CMTM8: variants seen among roughly 807,000 people sequenced by gnomAD.
The protein encoded by CMTM8 is CKLF like MARVEL transmembrane domain containing 8.
Under a neutral mutation model 18.6 loss-of-function variants are expected in CMTM8, and 12 were observed. The observed-to-expected ratio is 0.65, with a 90% CI of 0.41 to 1.05. The LOEUF (loss-of-function observed/expected upper bound fraction) is 1.05, where lower values mean the gene tolerates loss of function less well. Ranked by LOEUF, CMTM8 falls within the 50% of genes least tolerant of loss-of-function variation. The pLI, the probability that CMTM8 is intolerant of heterozygous loss-of-function variation, is 0.00. For missense variants in CMTM8, 217 were observed against 227.2 expected (o/e 0.95, Z 0.29); for synonymous variants, 87 against 90.6 (o/e 0.96, Z 0.23).
At chr3:32,294,407 G>T (rs549955917) in intron 1 of CMTM8, among the ~76,000 whole-genome samples, 2 of 152,216 alleles carry the variant, frequency 1.3e-5, no homozygotes, top group South Asian at 4.1e-4. Flanking sequence ...CTGCATTTTT[G>T]TCCTTCTCCA....
chr3:32,264,277 G>T (rs1366758055), intron 1 of CMTM8, among the ~76,000 whole-genome samples: 1 of 152,234 alleles, frequency 6.6e-6, no homozygotes, highest in African/African-American at 2.4e-5. Context: ...CAAGCCAGAA[G>T]AGAGTGGGGG....
chr3:32,322,084 T>G (rs1217658002), intron 1 of CMTM8, among the ~76,000 whole-genome samples: 2 of 152,196 alleles, frequency 1.3e-5, no homozygotes, highest in African/African-American at 4.8e-5. Flanking sequence ...TGGAATTCCC[T>G]TCTCATGGGA....
chr3:32,298,149 C>G (rs908821574), intron 1 of CMTM8, among the ~76,000 whole-genome samples: 2 of 151,134 alleles, frequency 1.3e-5, no homozygotes, highest in South Asian at 4.2e-4. Flanking sequence ...AATCTGGGCT[C>G]ACTGCAACCT....
intron 1 of CMTM8, among the ~76,000 whole-genome samples, chr3:32,280,043 T>C (rs1034269601): frequency 2.1e-4 from 9 of 42,236 alleles, no homozygotes; most frequent in Non-Finnish European, 4.0e-4. Context: ...TAATTAGTGA[T>C]TTTTTTAAGA....
At chr3:32,273,804 T>G (rs1461000106) in intron 1 of CMTM8, among the ~76,000 whole-genome samples, 1 of 152,180 alleles carries the variant, frequency 6.6e-6, no homozygotes, top group African/African-American at 2.4e-5. Flanking sequence ...TAAAAATTAC[T>G]GAATTCTACA....
intron 1 of CMTM8, among the ~76,000 whole-genome samples, chr3:32,316,184 A>T (rs1365126747): frequency 1.3e-5 from 2 of 151,178 alleles, no homozygotes; most frequent in Non-Finnish European, 3.0e-5. Flanking sequence ...CCCGCCACCA[A>T]GCCCGGCTAA....
chr3:32,309,300 A>AT (rs4038996), intron 1 of CMTM8, among the ~76,000 whole-genome samples: 13,350 of 96,376 alleles, frequency 0.14, 1,354 homozygotes, highest in East Asian at 0.18. Flanking sequence ...CAATTTACCA[A>AT]TTTTTTTTTT....
At chr3:32,362,650 C>T (rs754980441) in intron 2 of CMTM8, among the ~76,000 whole-genome samples, 13 of 152,194 alleles carry the variant, frequency 8.5e-5, no homozygotes, top group Non-Finnish European at 1.9e-4. Context: ...CAGGAAGTGC[C>T]AGCCCAGATG....
intron 1 of CMTM8, among the ~76,000 whole-genome samples, chr3:32,315,639 A>G (rs900498740): frequency 6.6e-6 from 1 of 152,192 alleles, no homozygotes; most frequent in African/African-American, 2.4e-5. Flanking sequence ...ATGTTGTACT[A>G]TGTGACTCCA....
At chr3:32,330,573 C>T (rs1055212820) in intron 1 of CMTM8, among the ~76,000 whole-genome samples, 1 of 151,934 alleles carries the variant, frequency 6.6e-6, no homozygotes, top group African/African-American at 2.4e-5. Flanking sequence ...GACATATAGA[C>T]CAATGGAACA....
At chr3:32,340,251 A>C (rs1169969363) in intron 1 of CMTM8, among the ~76,000 whole-genome samples, 1 of 152,136 alleles carries the variant, frequency 6.6e-6, no homozygotes, top group East Asian at 1.9e-4. Flanking sequence ...CGGTTGTATC[A>C]CCTTAGTCTT....
intron 1 of CMTM8, chr3:32,258,985 G>A (rs770172492): frequency 3.1e-5 from 10 of 326,004 alleles, no homozygotes; most frequent in African/African-American, 1.5e-4. Flanking sequence ...CTGCCAGTCC[G>A]TGGGCTCTGT....
At chr3:32,325,600 T>A (rs1696134907) in intron 1 of CMTM8, among the ~76,000 whole-genome samples, 1 of 152,248 alleles carries the variant, frequency 6.6e-6, no homozygotes, top group Non-Finnish European at 1.5e-5. Context: ...AGGCGAGGCC[T>A]GAAACTACCC....
At chr3:32,291,426 C>T (rs1702778460) in intron 1 of CMTM8, among the ~76,000 whole-genome samples, 2 of 152,190 alleles carry the variant, frequency 1.3e-5, no homozygotes, top group African/African-American at 2.4e-5. Context: ...AGGCGTGAGC[C>T]ACCGTGCCCA....
At chr3:32,339,465 G>A (rs1204655241) in intron 1 of CMTM8, among the ~76,000 whole-genome samples, 1 of 152,224 alleles carries the variant, frequency 6.6e-6, no homozygotes. Flanking sequence ...ACAGAAAGAC[G>A]ACCACATGGT....
chr3:32,253,234 G>A (rs1702136888), intron 1 of CMTM8, among the ~76,000 whole-genome samples: 1 of 151,956 alleles, frequency 6.6e-6, no homozygotes, highest in Non-Finnish European at 1.5e-5. Context: ...GTGGCTATGT[G>A]CATATGTAAA....
intron 1 of CMTM8, among the ~76,000 whole-genome samples, chr3:32,346,911 C>T (rs1696605946): frequency 6.6e-6 from 1 of 151,804 alleles, no homozygotes; most frequent in Non-Finnish European, 1.5e-5. Context: ...ACCTCAACCT[C>T]CTGGGCTCAA....
rs558263597 is a variant in CMTM8, at chr3:32,288,540, A to G, written c.147+49421A>G. The stretch of plus-strand genomic sequence containing the variant: ...TTTTGAAATGGAGTCTTGCTCTATC[A>G]CCCAGGCTGCAGTGCAGTGGCACAA... On this transcript the variant is annotated intron_variant, in intron 1 of 3. Transcript: ENST00000307526. Among the ~76,000 whole-genome samples, 66 of 150,364 alleles carry G rather than the reference A, an allele frequency of 4.4e-4. No individual in the cohort carries two copies. In the South Asian group the frequency reaches 8.0e-3, roughly 18 times the overall value.
At chr3:32,354,198 C>T (rs1196183858) in intron 1 of CMTM8, among the ~76,000 whole-genome samples, 1 of 149,442 alleles carries the variant, frequency 6.7e-6, no homozygotes, top group Non-Finnish European at 1.5e-5. Flanking sequence ...GGAAAACAAA[C>T]AGTATTTTTG....
Sources: gnomAD v4.1 joint callset for allele counts (sites outside exome capture counted in the v4.1 genomes callset) on GRCh38, gnomAD v4.1.1 for gene constraint, MANE v1.5 for transcripts, NCBI Gene and HGNC (gene_info 2026-07-23, HGNC 2026-07-21) for gene names.